The following GMDS variants were observed in gnomAD, a reference collection of about 807,000 sequenced individuals.
GMDS encodes the protein GDP-mannose 4,6 dehydratase.
In GMDS, 20 loss-of-function variants were observed where a neutral mutation model predicts 49.9. That is an observed-to-expected ratio of 0.40 (90% confidence interval 0.28 to 0.58). The LOEUF (loss-of-function observed/expected upper bound fraction) is 0.58. Among genes scored for constraint, GMDS ranks in the 20% least tolerant of loss-of-function variants. The pLI is 0.42. For missense variants in GMDS, 362 were observed against 481.4 expected, an observed-to-expected ratio of 0.75 and a Z score of 2.32; for synonymous variants, 177 against 178.6, an observed-to-expected ratio of 0.99 and a Z score of 0.07.
intron 7 of GMDS, among the ~76,000 whole-genome samples, chr6:1,758,218 C>T (rs1768023654): frequency 6.6e-6 from 1 of 152,234 alleles, no homozygotes; most frequent in Non-Finnish European, 1.5e-5. Flanking sequence ...ATTTTCTCCA[C>T]AGCACGGCTG....
At chr6:1,668,449 C>A (rs943690629) in intron 9 of GMDS, among the ~76,000 whole-genome samples, 1 of 152,128 alleles carries the variant, frequency 6.6e-6, no homozygotes, top group Admixed American at 6.5e-5. Flanking sequence ...ATGGCTCATG[C>A]CTGTAATCCC....
At chr6:1,858,157 TA>T (rs1454916323) in intron 7 of GMDS, among the ~76,000 whole-genome samples, 1 of 152,078 alleles carries the variant, frequency 6.6e-6, no homozygotes, top group East Asian at 1.9e-4. Flanking sequence ...GTACATGGAA[TA>T]AAACATATAA....
chr6:1,655,512 CACACACAT>C (rs1763849071), intron 9 of GMDS, among the ~76,000 whole-genome samples: 7 of 101,682 alleles, frequency 6.9e-5, no homozygotes, highest in African/African-American at 1.2e-4. Context: ...CACACACACA[CACACACAT>C]ATTTTTTTTT....
intron 9 of GMDS, among the ~76,000 whole-genome samples, chr6:1,656,941 G>T (rs1396151162): frequency 3.3e-5 from 5 of 152,132 alleles, no homozygotes; most frequent in African/African-American, 1.2e-4. Context: ...TAGCCACAAG[G>T]AAAGACTGAA....
At chr6:1,678,632 C>T (rs571277910) in intron 9 of GMDS, among the ~76,000 whole-genome samples, 1 of 151,736 alleles carries the variant, frequency 6.6e-6, no homozygotes, top group South Asian at 2.1e-4. Flanking sequence ...GGAAAGGTAA[C>T]ACGTAAAGCA....
chr6:2,135,070 C>A (rs552389971), intron 1 of GMDS, among the ~76,000 whole-genome samples: 1 of 152,220 alleles, frequency 6.6e-6, no homozygotes, highest in Non-Finnish European at 1.5e-5. Flanking sequence ...GAATATGAAA[C>A]CAATTTGTTT....
intron 4 of GMDS, among the ~76,000 whole-genome samples, chr6:2,070,145 A>T (rs1044934469): frequency 1.3e-5 from 2 of 151,508 alleles, no homozygotes; most frequent in Non-Finnish European, 2.9e-5. Context: ...GGAAATCATC[A>T]TTCTCAGTAA....
chr6:2,245,188 C>T lies in GMDS; in HGVS notation c.102+133G>A, dbSNP rs1274506940. 6.1e-6 allele frequency: 4 copies of T among 661,068 alleles called. No homozygotes were observed. In the African/African-American group the frequency reaches 7.5e-5, roughly 12 times the overall value. The allele number at this position is 661,068 out of a possible 1,614,324, so 41.0% of individuals were successfully genotyped here. On this transcript the variant is annotated intron_variant, in intron 1 of 10. Coordinates refer to ENST00000380815, the MANE Select transcript of GMDS (RefSeq NM_001500.4). ...CTGCACCGTACCTTCCGTCCCACCT[C>T]CCGGCAGCAGACCCCTTCCGGGACG...
intron 1 of GMDS, among the ~76,000 whole-genome samples, chr6:2,244,156 C>T (rs1344303650): frequency 6.6e-5 from 10 of 152,144 alleles, no homozygotes; most frequent in East Asian, 1.9e-4. Flanking sequence ...AAGTATGAGC[C>T]GCTGCCTCCT....
At chr6:1,775,235 C>T (rs1768750073) in intron 7 of GMDS, among the ~76,000 whole-genome samples, 1 of 152,142 alleles carries the variant, frequency 6.6e-6, no homozygotes, top group Non-Finnish European at 1.5e-5. Context: ...TTTACTCATA[C>T]AACATCTTCC....
chr6:1,774,359 G>A (rs1768706813), intron 7 of GMDS, among the ~76,000 whole-genome samples: 1 of 152,240 alleles, frequency 6.6e-6, no homozygotes, highest in South Asian at 2.1e-4. Flanking sequence ...ATCTGTGGAG[G>A]ACACTCAGAG....
chr6:2,190,745 T>A (rs1311885662), intron 1 of GMDS, among the ~76,000 whole-genome samples: 1 of 152,144 alleles, frequency 6.6e-6, no homozygotes, highest in Non-Finnish European at 1.5e-5. Context: ...CAAAGAAGGT[T>A]CTTAACAGTC....
Position 1,821,957 on chromosome 6 carries a change from G to A in GMDS, c.772-79371C>T, listed in dbSNP as rs190179903. The stretch of plus-strand genomic sequence containing the variant: ...GTGGTAACGTTTGCCAGGGTTAAAG[G>A]CTGGGTCAATTTGATCAAGACGCTA... On this transcript the variant is annotated intron_variant, in intron 7 of 10. Transcript: ENST00000380815. Among the ~76,000 whole-genome samples, 6 of 152,158 alleles carry A rather than the reference G, an allele frequency of 3.9e-5. No homozygotes were observed. In the South Asian group the frequency reaches 1.2e-3, roughly 32 times the overall value.
intron 1 of GMDS, among the ~76,000 whole-genome samples, chr6:2,160,496 A>G (rs552926878): frequency 6.6e-6 from 1 of 152,350 alleles, no homozygotes; most frequent in East Asian, 1.9e-4. Flanking sequence ...GATTCTTTTT[A>G]AAGACAAATT....
chr6:2,084,663 C>T lies in GMDS; in HGVS notation c.345+31108G>A, dbSNP rs566845828. On this transcript the variant is annotated intron_variant, in intron 4 of 10. Coordinates refer to ENST00000380815, the MANE Select transcript of GMDS (RefSeq NM_001500.4). ...CTGGGACTACAGGCGCCCGCCACCA[C>T]GCCCGGCTAATTTTTTGTATTTTTA... Among the ~76,000 whole-genome samples the T allele has an allele frequency of 8.7e-4, 132 of 152,136 alleles. 1 individual carries two copies. Among genetic ancestry groups the T allele is most frequent in the African/African-American group, 3.1e-3 (128 of 41,506 alleles).
At chr6:2,066,133 G>T (rs368911085) in intron 4 of GMDS, among the ~76,000 whole-genome samples, 2,090 of 151,990 alleles carry the variant, frequency 0.014, 48 homozygotes, top group South Asian at 0.11. Flanking sequence ...TTAAAGAAAA[G>T]AATTTTCAAC....
chr6:2,155,601 C>A (rs1244008886), intron 1 of GMDS, among the ~76,000 whole-genome samples: 1 of 152,120 alleles, frequency 6.6e-6, no homozygotes, highest in Non-Finnish European at 1.5e-5. Context: ...GTGTACCAAG[C>A]AGCAGATAAG....
chr6:1,755,103 A>C (rs1767890329), intron 7 of GMDS, among the ~76,000 whole-genome samples: 1 of 152,260 alleles, frequency 6.6e-6, no homozygotes. Flanking sequence ...ATCTGTTTGC[A>C]GATGACATGA....
intron 9 of GMDS, among the ~76,000 whole-genome samples, chr6:1,698,646 T>A (rs1253437822): frequency 2.0e-5 from 3 of 152,116 alleles, no homozygotes; most frequent in Non-Finnish European, 4.4e-5. Context: ...GTGGAGACGC[T>A]TCTCAGAGTG....
Sources: allele counts gnomAD v4.1 joint callset (sites outside exome capture counted in the v4.1 genomes callset), GRCh38; gene constraint gnomAD v4.1.1; transcripts MANE v1.5; gene names NCBI Gene and HGNC (gene_info 2026-07-23, HGNC 2026-07-21).